MYO5A: variants seen among roughly 807,000 people sequenced by gnomAD.
The protein encoded by MYO5A is unconventional myosin-Va.
In MYO5A, 98 loss-of-function variants were observed where a neutral mutation model predicts 249.7. The observed-to-expected ratio is 0.39, with a 90% CI of 0.33 to 0.46. The LOEUF is 0.46. MYO5A is among the 20% of genes least tolerant of loss of function. The probability of loss-of-function intolerance (pLI) is 0.98; values close to 1 mark genes in which losing one functional copy is unlikely to be tolerated. For missense variants in MYO5A, 1,696 were observed against 2,308.8 expected, an observed-to-expected ratio of 0.73 and a Z score of 5.44; for synonymous variants, 778 against 810.6, an observed-to-expected ratio of 0.96 and a Z score of 0.68.
In MYO5A at chr15:52,397,329, C is replaced by A. The variant is rs2924130; in HGVS notation, c.1191G>T (p.Thr397=). 6.2e-6 allele frequency: 10 copies of A among 1,613,860 alleles called. No individual in the cohort carries two copies. Among genetic ancestry groups the A allele is most frequent in the Middle Eastern group, 1.6e-4 (1 of 6,084 alleles). Residue 397 remains threonine, a synonymous_variant, in exon 10 of 42, where the codon ACG becomes ACT. Transcript: ENST00000399233. The stretch of plus-strand genomic sequence containing the variant: ...GCTTGGCCAAAGCATCGCGGGCATT[C>A]GTGGCCTGCAGCTTGGAGATGGGCT... ...YIKPISKLQA[T]NARDALAKHI...
intron 32 of MYO5A, 114 bp downstream of exon 32, chr15:52,340,082 A>C (rs563110256): frequency 1.9e-6 from 2 of 1,077,092 alleles, no homozygotes; most frequent in African/African-American, 1.6e-5. Flanking sequence ...GAGGGGTAAC[A>C]AGTACAGAGG....
Position 52,319,127 on chromosome 15 carries a change from C to A in MYO5A, c.5167G>T (p.Ala1723Ser). 6.2e-7 allele frequency: 1 copy of A among 1,614,172 alleles called. No individual in the cohort carries two copies. The highest frequency in any genetic ancestry group is 8.5e-7 in the Non-Finnish European group (1 of 1,180,026). Residue 1723 changes from alanine (A) to serine (S), a missense_variant, in exon 39 of 42, where the codon GCC becomes TCC. Ala to Ser is a moderately conservative substitution (Grantham distance 99, BLOSUM62 1). This residue lies in a region of MYO5A where 625 missense variants were observed against 908.1 expected (regional missense o/e 0.69). Coordinates refer to ENST00000399233, the MANE Select transcript of MYO5A (RefSeq NM_001382347.1). ...VVKQMFYIIGAITLNNLLLRK... is the reference protein window; with the variant it reads ...VVKQMFYIIGSITLNNLLLRK... ...AGGAGAAGGTTGTTCAGGGTGATGG[C>A]CCCTATGATGTAGAACATCTGCTTG... is the stretch of plus-strand genomic sequence containing the variant.
chr15:52,345,481 A>T (rs1030000870), intron 30 of MYO5A, among the ~76,000 whole-genome samples: 2 of 151,780 alleles, frequency 1.3e-5, no homozygotes, highest in Non-Finnish European at 2.9e-5. Flanking sequence ...GCTACTCGAG[A>T]GGCTGAGGCA....
At chr15:52,329,315 T>A (rs1043448617) in intron 35 of MYO5A, among the ~76,000 whole-genome samples, 1 of 152,350 alleles carries the variant, frequency 6.6e-6, no homozygotes, top group Admixed American at 6.5e-5. Flanking sequence ...GCCAGGAACA[T>A]TCCATCAGGT....
intron 1 of MYO5A, chr15:52,505,774 A>T: frequency 3.8e-6 from 6 of 1,561,392 alleles, no homozygotes. Flanking sequence ...TGAGGATGAT[A>T]AAGTTGGAAC....
intron 9 of MYO5A, among the ~76,000 whole-genome samples, chr15:52,405,051 T>TCACACACA (rs58764245): frequency 0.049 from 6,921 of 140,178 alleles, 221 homozygotes; most frequent in East Asian, 0.12. Flanking sequence ...TCTCTCTCTG[T>TCACACACA]CACACACACA....
intron 1 of MYO5A, among the ~76,000 whole-genome samples, chr15:52,469,212 T>C (rs1267041266): frequency 6.6e-6 from 1 of 152,086 alleles, no homozygotes; most frequent in African/African-American, 2.4e-5. Flanking sequence ...CCCTGCACAG[T>C]TGGAAATTTG....
At position 52,379,752 on chromosome 15, in the gene MYO5A, C is replaced by T. The variant is rs1480958612; in HGVS notation, c.2100-19G>A. 4 of 1,613,582 alleles carry T rather than the reference C, an allele frequency of 2.5e-6. No homozygotes were observed. The highest frequency in any genetic ancestry group is 1.3e-5 in the African/African-American group (1 of 74,914). ...AGTCCACCTATTAAAAGAAAACCAT[C>T]TGAGTTTACTTAAAGAACTAGGATC... is the stretch of plus-strand genomic sequence containing the variant. On this transcript the variant is annotated intron_variant, in intron 17 of 41. Transcript: ENST00000399233.
intron 1 of MYO5A, among the ~76,000 whole-genome samples, chr15:52,474,915 G>A (rs1386117517): frequency 2.4e-4 from 36 of 148,858 alleles, no homozygotes; most frequent in African/African-American, 4.2e-4. Flanking sequence ...ATGAGTTAGG[G>A]AGGATTCCCT....
rs2039948378 is a variant in MYO5A, at chr15:52,351,473, T to C, written c.3630A>G (p.Glu1210=). ...TCAGTTTTTTGTTTTCTGATTCTAG[T>C]TCTTGACGCTGTATGAAAAGACAAA... ...ELEYESLKRQ[E]LESENKKLKN... Residue 1210 remains glutamate, a synonymous_variant, in exon 28 of 42, where the codon GAA becomes GAG. Transcript: ENST00000399233. The C allele has an allele frequency of 6.2e-7, 1 of 1,614,022 alleles. No individual in the cohort carries two copies. Among genetic ancestry groups the C allele is most frequent in the Non-Finnish European group, 8.5e-7 (1 of 1,179,862 alleles).
intron 1 of MYO5A, among the ~76,000 whole-genome samples, chr15:52,438,599 C>T (rs537579238): frequency 7.9e-5 from 12 of 152,312 alleles, no homozygotes; most frequent in African/African-American, 2.9e-4. Flanking sequence ...ACTTAGCTCA[C>T]ACCCGAGCCA....
intron 3 of MYO5A, among the ~76,000 whole-genome samples, chr15:52,427,921 G>A (rs1004288934): frequency 2.0e-5 from 3 of 152,194 alleles, no homozygotes; most frequent in Admixed American, 2.0e-4. Context: ...TGAGCTGGGT[G>A]GCTGGCAGCT....
chr15:52,461,943 C>T (rs956945302), intron 1 of MYO5A, among the ~76,000 whole-genome samples: 10 of 142,062 alleles, frequency 7.0e-5, no homozygotes, highest in Non-Finnish European at 1.4e-4. Flanking sequence ...CCAGCCTGGG[C>T]AACACAGCGA....
chr15:52,492,814 G>A (rs142602340), intron 1 of MYO5A, among the ~76,000 whole-genome samples: 1,830 of 152,326 alleles, frequency 0.012, 21 homozygotes, highest in Admixed American at 0.022. Context: ...GATTGGCCAG[G>A]AGTTGATACT....
intron 1 of MYO5A, among the ~76,000 whole-genome samples, chr15:52,459,658 G>T (rs1283610189): frequency 1.3e-5 from 2 of 152,176 alleles, no homozygotes; most frequent in Non-Finnish European, 2.9e-5. Context: ...TTGTCATCAC[G>T]GCCCGCTCTC....
chr15:52,407,006 C>G (rs944072582), intron 8 of MYO5A, among the ~76,000 whole-genome samples: 3 of 152,116 alleles, frequency 2.0e-5, no homozygotes, highest in Non-Finnish European at 4.4e-5. Flanking sequence ...ATATTTTGAA[C>G]AGTTTTATTG....
At chr15:52,346,027 T>C (rs1281449608) in intron 30 of MYO5A, among the ~76,000 whole-genome samples, 1 of 152,214 alleles carries the variant, frequency 6.6e-6, no homozygotes, top group Non-Finnish European at 1.5e-5. Context: ...ATAACCATCC[T>C]GAATAACAAA....
rs778125639 is a variant in MYO5A, at chr15:52,340,261, G to A, written c.4174C>T (p.Pro1392Ser). The A allele has an allele frequency of 6.2e-7, 1 of 1,614,060 alleles. No individual in the cohort carries two copies. The highest frequency in any genetic ancestry group is 8.5e-7 in the Non-Finnish European group (1 of 1,180,030). The change falls in exon 32 of 42, where the codon CCC (proline) becomes TCC (serine). Residue 1392 changes from proline to serine, a missense_variant. Physicochemically the swap from Pro to Ser is moderately conservative, Grantham distance 74. Coordinates refer to ENST00000399233, the MANE Select transcript of MYO5A (RefSeq NM_001382347.1). ...CTGGCCTCAATGCGGGCCTCTGGGG[G>A]CAGCTGCAGGTTCTGGGCCAGCAGC... ...QQLLAQNLQL[P>S]PEARIEASLQ...
At chr15:52,440,629 A>G (rs958223324) in intron 1 of MYO5A, among the ~76,000 whole-genome samples, 4 of 152,174 alleles carry the variant, frequency 2.6e-5, no homozygotes, top group Admixed American at 2.6e-4. Flanking sequence ...CCCTTGATTG[A>G]TGCAGATGAC....
Sources: allele counts gnomAD v4.1 joint callset (sites outside exome capture counted in the v4.1 genomes callset), GRCh38; gene constraint gnomAD v4.1.1; regional missense constraint gnomAD v4.1.1; transcripts MANE v1.5; gene names NCBI Gene and HGNC (gene_info 2026-07-23, HGNC 2026-07-21).